Variants in TNNI3K observed in about 807,000 individuals in gnomAD.
TNNI3K encodes TNNI3 interacting kinase.
In TNNI3K, 140 loss-of-function variants were observed where a neutral mutation model predicts 114.5. The observed-to-expected ratio is 1.22, with a 90% CI of 1.07 to 1.41. The LOEUF (loss-of-function observed/expected upper bound fraction) is 1.41, where lower values mean the gene tolerates loss of function less well. Among genes scored for constraint, TNNI3K ranks in the 40% most tolerant of loss-of-function variants. The pLI is 0.00. For synonymous variants in TNNI3K, 347 were observed against 347.5 expected (o/e 1.00, Z 0.02); for missense variants, 1,125 against 1,007.6 (o/e 1.12, Z -1.58).
chr1:74,248,432 G>A lies in TNNI3K; in HGVS notation c.150-1027G>A, dbSNP rs112197134. 4.0e-3 allele frequency among the ~76,000 whole-genome samples: 611 copies of A among 152,290 alleles called. 5 individuals carry two copies. The highest frequency in any genetic ancestry group is 0.014 in the African/African-American group (586 of 41,566). On this transcript the variant is annotated intron_variant, in intron 2 of 24. Transcript: ENST00000326637. Reference sequence around the variant, plus strand: ...CGTGGCCTGAGGAGGTGCCGAGAGCGAGCGAGGGCTGCTAGCACGTTGTCA... The same window carrying A: ...CGTGGCCTGAGGAGGTGCCGAGAGCAAGCGAGGGCTGCTAGCACGTTGTCA...
chr1:74,379,620 C>G (rs1272005159), intron 17 of TNNI3K, among the ~76,000 whole-genome samples: 2 of 152,108 alleles, frequency 1.3e-5, no homozygotes, highest in East Asian at 3.9e-4. Flanking sequence ...TGAGTTCTCT[C>G]TGACTCAAGT....
rs377457287 is a variant in TNNI3K, at chr1:74,265,718, C to T, written c.334-5880C>T. Reference sequence around the variant, plus strand: ...GCATTATCTGATGTAATCCTCACAACAATGCTATGAGAATGATACAATTGT... The same window carrying T: ...GCATTATCTGATGTAATCCTCACAATAATGCTATGAGAATGATACAATTGT... On this transcript the variant is annotated intron_variant, in intron 4 of 24. Coordinates refer to ENST00000326637, the MANE Select transcript of TNNI3K (RefSeq NM_015978.3). Among the ~76,000 whole-genome samples, 15 of 152,118 alleles carry T rather than the reference C, an allele frequency of 9.9e-5. No individual in the cohort carries two copies. The East Asian group carries it at 1.7e-3, about 18-fold the overall frequency.
At chr1:74,248,301 C>T (rs1173276562) in intron 2 of TNNI3K, among the ~76,000 whole-genome samples, 1 of 152,020 alleles carries the variant, frequency 6.6e-6, no homozygotes, top group East Asian at 1.9e-4. Flanking sequence ...CTCCACACCT[C>T]CCCACAAGCA....
rs185285160 is a variant in TNNI3K at position 74,471,844 on chromosome 1, C to T, written c.2121+8294C>T. On this transcript the variant is annotated intron_variant, in intron 21 of 24. Coordinates refer to ENST00000326637, the MANE Select transcript of TNNI3K (RefSeq NM_015978.3). ...TTTCTCAGGCTTTGAGTGTTGTCTA[C>T]GATTTGGCTTCTTTTCTTTCATGTA... The T allele has an allele frequency of 2.4e-4, 107 of 453,030 alleles. 1 individual carries two copies. The highest frequency in any genetic ancestry group is 1.5e-3 in the East Asian group (44 of 29,792). 28.1% of individuals were successfully genotyped at this position (453,030 alleles called of 1,614,324 possible). A position where few individuals can be genotyped will look rare whatever the true frequency, so the allele number is the denominator to read the frequency against.
intron 21 of TNNI3K, among the ~76,000 whole-genome samples, chr1:74,482,393 A>G (rs1170254999): frequency 6.6e-6 from 1 of 152,254 alleles, no homozygotes; most frequent in East Asian, 1.9e-4. Flanking sequence ...GTCTCTGATC[A>G]GGAAAAATAA....
At chr1:74,424,085 A>C (rs1665519557) in intron 17 of TNNI3K, among the ~76,000 whole-genome samples, 1 of 152,066 alleles carries the variant, frequency 6.6e-6, no homozygotes, top group Non-Finnish European at 1.5e-5. Context: ...TAGATAAGAA[A>C]ATAGAATTGT....
chr1:74,539,366 A>G (rs958016369), intron 23 of TNNI3K, among the ~76,000 whole-genome samples: 1 of 152,146 alleles, frequency 6.6e-6, no homozygotes, highest in African/African-American at 2.4e-5. Flanking sequence ...TCTGGGGGGA[A>G]CTAGGGTAGT....
chr1:74,396,185 G>A (rs1664071782), intron 17 of TNNI3K, among the ~76,000 whole-genome samples: 1 of 152,204 alleles, frequency 6.6e-6, no homozygotes, highest in African/African-American at 2.4e-5. Flanking sequence ...TCAGAGGGCA[G>A]CAGGAAGGCC....
At chr1:74,251,893 G>A (rs149917092) in intron 4 of TNNI3K, among the ~76,000 whole-genome samples, 2,483 of 152,282 alleles carry the variant, frequency 0.016, 37 homozygotes, top group Non-Finnish European at 0.024. Flanking sequence ...CCTTCTGGGA[G>A]AAAGCCTCAG....
Position 74,261,258 on chromosome 1 carries a change from C to T in TNNI3K, c.334-10340C>T, listed in dbSNP as rs191636117. Among the ~76,000 whole-genome samples the T allele has an allele frequency of 1.8e-4, 27 of 151,806 alleles. 1 individual carries two copies. In the Middle Eastern group the frequency reaches 0.01, roughly 57 times the overall value. On this transcript the variant is annotated intron_variant, in intron 4 of 24. Transcript: ENST00000326637. ...GCTCACATAAGCTACAGCACATCCCCAATAACTAAAAGCTAAGAAAAAAAA... is the reference window on the plus strand; with the variant it reads ...GCTCACATAAGCTACAGCACATCCCTAATAACTAAAAGCTAAGAAAAAAAA...
intron 9 of TNNI3K, among the ~76,000 whole-genome samples, chr1:74,352,029 A>G (rs575874915): frequency 6.6e-6 from 1 of 152,148 alleles, no homozygotes; most frequent in African/African-American, 2.4e-5. Context: ...GTTCCTTTGG[A>G]GGAGGAGAGG....
chr1:74,292,201 A>G (rs1657719676), intron 5 of TNNI3K, among the ~76,000 whole-genome samples: 1 of 151,028 alleles, frequency 6.6e-6, no homozygotes, highest in South Asian at 2.1e-4. Context: ...GGCTTTGTTG[A>G]ATTTCTCTAG....
chr1:74,294,111 A>T (rs1043721132), intron 5 of TNNI3K, among the ~76,000 whole-genome samples: 1 of 151,886 alleles, frequency 6.6e-6, no homozygotes, highest in Admixed American at 6.6e-5. Context: ...ATTTACAAAT[A>T]AAAATTATAT....
intron 3 of TNNI3K, 93 bp from the exon 4 acceptor site, chr1:74,250,579 A>C: frequency 1.3e-5 from 14 of 1,093,944 alleles, no homozygotes; most frequent in South Asian, 2.1e-5. Flanking sequence ...ACATTTTTAT[A>C]CAGCTGTATG....
chr1:74,486,354 G>A (rs760974306), intron 21 of TNNI3K, among the ~76,000 whole-genome samples: 21 of 151,882 alleles, frequency 1.4e-4, no homozygotes, highest in Admixed American at 7.9e-4. Context: ...AGAGTTTCTC[G>A]TTGTTTTCTG....
chr1:74,312,239 A>G (rs926517767), intron 5 of TNNI3K, among the ~76,000 whole-genome samples: 1 of 152,236 alleles, frequency 6.6e-6, no homozygotes, highest in Non-Finnish European at 1.5e-5. Context: ...AGGATAAATC[A>G]CTATCAGTCT....
At chr1:74,371,649 G>A (rs1021172988) in intron 17 of TNNI3K, 26 of 151,772 alleles carry the variant, frequency 1.7e-4, no homozygotes, top group African/African-American at 6.0e-4. Flanking sequence ...GTGTATAAAT[G>A]TATGTAATGT....
At chr1:74,239,918 A>G (rs1284231787) in intron 2 of TNNI3K, 1 of 469,772 alleles carries the variant, frequency 2.1e-6, no homozygotes, top group East Asian at 6.9e-5. Flanking sequence ...CTTCTGCTAT[A>G]AAGTTGCATT....
At chr1:74,314,408 T>TATCTCATTTGCATA (rs1659183477) in intron 5 of TNNI3K, among the ~76,000 whole-genome samples, 1 of 152,104 alleles carries the variant, frequency 6.6e-6, no homozygotes, top group African/African-American at 2.4e-5. Context: ...ATAAAGTCGC[T>TATCTCATTTGCATA]TTCTTTGTTT....
Sources: gnomAD v4.1 joint callset for allele counts (sites outside exome capture counted in the v4.1 genomes callset) on GRCh38, gnomAD v4.1.1 for gene constraint, MANE v1.5 for transcripts, NCBI Gene and HGNC (gene_info 2026-07-23, HGNC 2026-07-21) for gene names.